DENND1A: variants seen among roughly 807,000 people sequenced by gnomAD.
The protein encoded by DENND1A is DENN domain-containing protein 1A.
Under a neutral mutation model 113.7 loss-of-function variants are expected in DENND1A, and 51 were observed. That is an observed-to-expected ratio of 0.45 (90% confidence interval 0.36 to 0.57). DENND1A has a LOEUF of 0.57. DENND1A is among the 20% of genes least tolerant of loss of function. The probability of loss-of-function intolerance (pLI) is 0.00; values close to 1 mark genes in which losing one functional copy is unlikely to be tolerated. For missense variants in DENND1A, 1,258 were observed against 1,395.9 expected, an observed-to-expected ratio of 0.90 and a Z score of 1.57; for synonymous variants, 565 against 570.8, an observed-to-expected ratio of 0.99 and a Z score of 0.14.
intron 1 of DENND1A, among the ~76,000 whole-genome samples, chr9:123,907,192 AT>A (rs1853005889): frequency 7.3e-6 from 1 of 137,788 alleles, no homozygotes; most frequent in Non-Finnish European, 1.6e-5. Flanking sequence ...TAAATTAGGT[AT>A]TGATGGGACG....
At chr9:123,749,776 G>A (rs749954289) in intron 5 of DENND1A, among the ~76,000 whole-genome samples, 20 of 152,100 alleles carry the variant, frequency 1.3e-4, no homozygotes, top group Non-Finnish European at 1.6e-4. Flanking sequence ...AAACAAGGCA[G>A]AACTACACTC....
chr9:123,518,409 A>T (rs1203694616), intron 13 of DENND1A, among the ~76,000 whole-genome samples: 1 of 152,132 alleles, frequency 6.6e-6, no homozygotes, highest in Non-Finnish European at 1.5e-5. Context: ...TTCTCAAAAT[A>T]TCACCCTCAA....
chr9:123,525,836 G>T (rs189173592), intron 13 of DENND1A, among the ~76,000 whole-genome samples: 1 of 143,268 alleles, frequency 7.0e-6, no homozygotes, highest in Non-Finnish European at 1.5e-5. Flanking sequence ...ATGATTCACT[G>T]CAGCCTCAAC....
At chr9:123,750,749 G>T (rs2069947655) in intron 5 of DENND1A, among the ~76,000 whole-genome samples, 3 of 152,214 alleles carry the variant, frequency 2.0e-5, no homozygotes, top group Non-Finnish European at 1.5e-5. Flanking sequence ...TTCCAGAATG[G>T]CATTTAAGGC....
intron 18 of DENND1A, among the ~76,000 whole-genome samples, chr9:123,441,669 A>C (rs1366125134): frequency 6.6e-6 from 1 of 152,212 alleles, no homozygotes; most frequent in Admixed American, 6.5e-5. Flanking sequence ...AAGTCAAGGA[A>C]GTTGCTTAAA....
chr9:123,713,771 CAATAAG>C (rs1289492948), intron 5 of DENND1A, among the ~76,000 whole-genome samples: 2 of 151,996 alleles, frequency 1.3e-5, no homozygotes, highest in Non-Finnish European at 2.9e-5. Flanking sequence ...TTAATTTTGA[CAATAAG>C]AATATTATTA....
intron 1 of DENND1A, among the ~76,000 whole-genome samples, chr9:123,898,331 TTTTTA>T (rs1049945371): frequency 1.2e-4 from 19 of 152,186 alleles, no homozygotes; most frequent in Admixed American, 1.1e-3. Flanking sequence ...TACATTTTAT[TTTTTA>T]TTTTATTTTT....
rs1380390359 is a variant in DENND1A at position 123,671,382 on chromosome 9, T to C, written c.373-11A>G. On this transcript the variant is annotated splice_polypyrimidine_tract_variant and intron_variant, in intron 6 of 23. Coordinates refer to ENST00000394215, the MANE Select transcript of DENND1A (RefSeq NM_001352964.2). ...ATTCCACTGATTTTCCTGAAAGAAA[T>C]AAAAGGCCTAAGTAACAAAAGCAAG... The C allele has an allele frequency of 6.2e-7, 1 of 1,613,348 alleles. No homozygotes were observed. Among genetic ancestry groups the C allele is most frequent in the African/African-American group, 1.3e-5 (1 of 74,800 alleles).
chr9:123,563,718 A>C (rs1457784032), intron 12 of DENND1A, among the ~76,000 whole-genome samples: 1 of 152,204 alleles, frequency 6.6e-6, no homozygotes, highest in African/African-American at 2.4e-5. Context: ...CATTCCCTCT[A>C]AAATTTTTAG....
At chr9:123,769,999 C>T (rs935119073) in intron 3 of DENND1A, among the ~76,000 whole-genome samples, 3 of 152,140 alleles carry the variant, frequency 2.0e-5, no homozygotes, top group East Asian at 1.9e-4. Context: ...GATTAGACAA[C>T]GCTTCCCAAC....
rs145054151 is a variant in DENND1A at position 123,793,685 on chromosome 9, G to A, written c.89-1055C>T. On this transcript the variant is annotated intron_variant, in intron 2 of 23. Transcript: ENST00000394215. ...AAATGAATCCACGTAAAAGTTCACT[G>A]CAGTCCATTTCTTCAGTGAATAATC... is the stretch of plus-strand genomic sequence containing the variant. 5.9e-5 allele frequency among the ~76,000 whole-genome samples: 9 copies of A among 152,158 alleles called. No homozygotes were observed. In the East Asian group the frequency reaches 1.7e-3, roughly 29 times the overall value.
chr9:123,495,525 G>A (rs929587377), intron 13 of DENND1A, among the ~76,000 whole-genome samples: 36 of 152,200 alleles, frequency 2.4e-4, no homozygotes, highest in Non-Finnish European at 4.4e-5. Flanking sequence ...TCTGGGGGAG[G>A]AGGCAAAGAG....
At chr9:123,499,271 C>T (rs570404378) in intron 13 of DENND1A, among the ~76,000 whole-genome samples, 4 of 151,556 alleles carry the variant, frequency 2.6e-5, no homozygotes, top group East Asian at 2.0e-4. Flanking sequence ...TGACCTCAGG[C>T]GATCCACCCG....
intron 22 of DENND1A, among the ~76,000 whole-genome samples, chr9:123,384,956 A>C (rs2042479070): frequency 1.3e-5 from 2 of 152,166 alleles, no homozygotes; most frequent in South Asian, 4.1e-4. Flanking sequence ...TCAAAACAAA[A>C]AAGCAAAAAA....
chr9:123,385,776 G>A lies in DENND1A; in HGVS notation c.1761-1863C>T, dbSNP rs186531561. ...AACTCACCTATGTCACACAGCACCC[G>A]CAAGAGGTGGAAATGGAAGCCAAGC... On this transcript the variant is annotated intron_variant, in intron 22 of 23. Coordinates refer to ENST00000394215, the MANE Select transcript of DENND1A (RefSeq NM_001352964.2). Among the ~76,000 whole-genome samples the A allele has an allele frequency of 2.0e-4, 31 of 152,292 alleles. No homozygotes were observed. The East Asian group carries it at 5.6e-3, about 27-fold the overall frequency.
At chr9:123,578,764 G>A (rs552993987) in intron 12 of DENND1A, among the ~76,000 whole-genome samples, 2 of 152,272 alleles carry the variant, frequency 1.3e-5, no homozygotes, top group Admixed American at 1.3e-4. Context: ...AATTACACAA[G>A]GTACACAAGG....
chr9:123,844,700 G>T (rs1345183643), intron 2 of DENND1A, among the ~76,000 whole-genome samples: 15 of 152,100 alleles, frequency 9.9e-5, no homozygotes, highest in Non-Finnish European at 1.6e-4. Flanking sequence ...TGGGCTTTTT[G>T]CAGAAATTGA....
At chr9:123,414,180 C>A in intron 19 of DENND1A, 1 of 1,021,524 alleles carries the variant, frequency 9.8e-7, no homozygotes, top group Non-Finnish European at 1.2e-6. Flanking sequence ...CACGATTTGA[C>A]CATTCCAAGC....
intron 2 of DENND1A, among the ~76,000 whole-genome samples, chr9:123,837,968 A>C (rs1200806291): frequency 6.6e-6 from 1 of 152,254 alleles, no homozygotes; most frequent in African/African-American, 2.4e-5. Context: ...TAAATTAAAA[A>C]TACGAAACAA....
Sources: allele counts gnomAD v4.1 joint callset (sites outside exome capture counted in the v4.1 genomes callset), GRCh38; gene constraint gnomAD v4.1.1; transcripts MANE v1.5; gene names NCBI Gene and HGNC (gene_info 2026-07-23, HGNC 2026-07-21).